The following CHCHD3 variants were observed in gnomAD, a reference collection of about 807,000 sequenced individuals.
CHCHD3 encodes coiled-coil-helix-coiled-coil-helix domain containing 3, also known as MICOS complex subunit MIC19.
A neutral mutation model predicts 38.2 loss-of-function variants in CHCHD3; 20 were observed. That is an observed-to-expected ratio of 0.52 (90% confidence interval 0.37 to 0.76). The LOEUF (loss-of-function observed/expected upper bound fraction) is 0.76, where lower values mean the gene tolerates loss of function less well. Among genes scored for constraint, CHCHD3 ranks in the 30% least tolerant of loss-of-function variants. The pLI, the probability that CHCHD3 is intolerant of heterozygous loss-of-function variation, is 0.00. For missense variants in CHCHD3, 245 were observed against 279.2 expected (o/e 0.88, Z 0.87); for synonymous variants, 82 against 100.0 (o/e 0.82, Z 1.07).
chr7:132,977,709 T>A (rs1011837), intron 3 of CHCHD3, among the ~76,000 whole-genome samples: 70,578 of 152,052 alleles, frequency 0.46, 16,662 homozygotes, highest in East Asian at 0.55. Flanking sequence ...TGAATTCTGT[T>A]CAACTGAATT....
intron 4 of CHCHD3, among the ~76,000 whole-genome samples, chr7:132,909,529 T>C (rs919734858): frequency 6.6e-6 from 1 of 151,806 alleles, no homozygotes; most frequent in Non-Finnish European, 1.5e-5. Context: ...GAAAAACAAA[T>C]CTCAAGCAGT....
At chr7:132,985,687 G>A in intron 3 of CHCHD3, among the ~76,000 whole-genome samples, 1 of 76,614 alleles carries the variant, frequency 1.3e-5, no homozygotes, top group South Asian at 4.1e-4. Context: ...GTGGGGGGGG[G>A]GTCAGCCCCC....
intron 2 of CHCHD3, among the ~76,000 whole-genome samples, chr7:133,051,276 A>G (rs1034525119): frequency 1.3e-5 from 2 of 152,208 alleles, no homozygotes; most frequent in African/African-American, 4.8e-5. Context: ...CAGGATCTCT[A>G]TCTCCATTAT....
chr7:132,955,849 G>C (rs934877413), intron 4 of CHCHD3, among the ~76,000 whole-genome samples: 7 of 152,300 alleles, frequency 4.6e-5, no homozygotes, highest in Admixed American at 4.6e-4. Flanking sequence ...AGGATAAGGA[G>C]CTGACTGAAT....
intron 3 of CHCHD3, among the ~76,000 whole-genome samples, chr7:132,984,670 C>T (rs1320803394): frequency 6.6e-6 from 1 of 150,612 alleles, no homozygotes; most frequent in African/African-American, 2.4e-5. Context: ...TGCCTCTGCC[C>T]TGCCGCCCCG....
chr7:133,080,260 T>C (rs192689651), intron 1 of CHCHD3, among the ~76,000 whole-genome samples: 2 of 152,210 alleles, frequency 1.3e-5, no homozygotes, highest in South Asian at 2.1e-4. Context: ...ACATTTCTTT[T>C]TAAAAAACAA....
At chr7:132,902,493 A>C (rs1023189483) in intron 4 of CHCHD3, among the ~76,000 whole-genome samples, 3 of 152,230 alleles carry the variant, frequency 2.0e-5, no homozygotes, top group African/African-American at 7.2e-5. Flanking sequence ...CAGCCATAAA[A>C]AATGATGAGT....
intron 4 of CHCHD3, among the ~76,000 whole-genome samples, chr7:132,958,135 G>A (rs1395412360): frequency 2.6e-5 from 4 of 152,120 alleles, no homozygotes; most frequent in East Asian, 1.9e-4. Context: ...AATGTATGAC[G>A]GGCATGAGGC....
At chr7:132,831,718 G>A (rs1442285250) in intron 6 of CHCHD3, among the ~76,000 whole-genome samples, 1 of 152,150 alleles carries the variant, frequency 6.6e-6, no homozygotes, top group Non-Finnish European at 1.5e-5. Flanking sequence ...CTATTAATCA[G>A]AGTAAACTTT....
chr7:132,933,094 C>A (rs1215394391), intron 4 of CHCHD3, among the ~76,000 whole-genome samples: 1 of 152,190 alleles, frequency 6.6e-6, no homozygotes, highest in African/African-American at 2.4e-5. Flanking sequence ...ATTTGTTAAG[C>A]AGACTCCGTT....
chr7:132,997,981 T>C lies in CHCHD3; in HGVS notation c.252-22695A>G, dbSNP rs556461473. On this transcript the variant is annotated intron_variant, in intron 3 of 7. Transcript: ENST00000262570. ...AATAAATACTGTCAAGGAAGAAAAATTTCAGGGATAACTATAAATTTCATT... is the reference window on the plus strand; with the variant it reads ...AATAAATACTGTCAAGGAAGAAAAACTTCAGGGATAACTATAAATTTCATT... Among the ~76,000 whole-genome samples, 6 of 152,204 alleles carry C rather than the reference T, an allele frequency of 3.9e-5. 1 individual carries two copies. The highest frequency in any genetic ancestry group is 1.4e-4 in the African/African-American group (6 of 41,520).
intron 4 of CHCHD3, among the ~76,000 whole-genome samples, chr7:132,911,783 A>G (rs1197095178): frequency 2.0e-5 from 3 of 152,212 alleles, no homozygotes; most frequent in Non-Finnish European, 4.4e-5. Context: ...TATTGCCCAA[A>G]GCAAGTCAAA....
At chr7:132,870,863 T>C (rs538208458) in intron 5 of CHCHD3, among the ~76,000 whole-genome samples, 2 of 152,280 alleles carry the variant, frequency 1.3e-5, no homozygotes, top group Middle Eastern at 6.8e-3. Flanking sequence ...AGCCTCTAGG[T>C]TTCTGTTTCA....
At chr7:132,868,530 A>C (rs1393041372) in intron 5 of CHCHD3, among the ~76,000 whole-genome samples, 1 of 152,146 alleles carries the variant, frequency 6.6e-6, no homozygotes, top group Non-Finnish European at 1.5e-5. Flanking sequence ...TTATAACGAA[A>C]AGGGCTTTGG....
At chr7:132,808,207 A>T (rs781100556) in intron 6 of CHCHD3, among the ~76,000 whole-genome samples, 13 of 152,200 alleles carry the variant, frequency 8.5e-5, no homozygotes, top group Non-Finnish European at 1.8e-4. Flanking sequence ...GTCATGGGGC[A>T]AGCCATTGGG....
chr7:132,821,096 T>C (rs1186463004), intron 6 of CHCHD3, among the ~76,000 whole-genome samples: 1 of 152,224 alleles, frequency 6.6e-6, no homozygotes, highest in Non-Finnish European at 1.5e-5. Context: ...TACTCAATTG[T>C]AATTTTATTG....
intron 2 of CHCHD3, among the ~76,000 whole-genome samples, chr7:133,044,237 T>G (rs1813912884): frequency 6.6e-6 from 1 of 152,220 alleles, no homozygotes; most frequent in African/African-American, 2.4e-5. Flanking sequence ...AAGAAAATAC[T>G]TAAATAATTG....
chr7:133,044,932 T>C (rs1349398479), intron 2 of CHCHD3, among the ~76,000 whole-genome samples: 1 of 152,224 alleles, frequency 6.6e-6, no homozygotes, highest in African/African-American at 2.4e-5. Flanking sequence ...GATGCTGGCC[T>C]GGGGAAAGCA....
At chr7:132,944,752 A>G (rs1025337588) in intron 4 of CHCHD3, among the ~76,000 whole-genome samples, 15 of 152,026 alleles carry the variant, frequency 9.9e-5, no homozygotes, top group African/African-American at 3.6e-4. Context: ...AGTCATCAGG[A>G]GTGGTAGGAT....
Sources: gnomAD v4.1 joint callset for allele counts (sites outside exome capture counted in the v4.1 genomes callset) on GRCh38, gnomAD v4.1.1 for gene constraint, MANE v1.5 for transcripts, NCBI Gene and HGNC (gene_info 2026-07-23, HGNC 2026-07-21) for gene names.